COBL: variants seen among roughly 807,000 people sequenced by gnomAD.
The protein encoded by COBL is protein cordon-bleu.
A neutral mutation model predicts 98.8 loss-of-function variants in COBL; 51 were observed. The observed-to-expected ratio is 0.52, with a 90% CI of 0.41 to 0.65. The LOEUF (loss-of-function observed/expected upper bound fraction) is 0.65, where lower values mean the gene tolerates loss of function less well. Ranked by LOEUF, COBL falls within the 30% of genes least tolerant of loss-of-function variation. The pLI is 0.00. For synonymous variants in COBL, 634 were observed against 651.7 expected (o/e 0.97, Z 0.41); for missense variants, 1,617 against 1,617.5 (o/e 1.00, Z 0.01).
At chr7:51,313,877 T>C (rs1252742944) in intron 1 of COBL, among the ~76,000 whole-genome samples, 2 of 152,228 alleles carry the variant, frequency 1.3e-5, no homozygotes, top group Admixed American at 6.5e-5. Flanking sequence ...TGTCAATTCT[T>C]ATACTTCAAC....
At chr7:51,304,103 T>A (rs1053848785) in intron 1 of COBL, among the ~76,000 whole-genome samples, 19 of 152,194 alleles carry the variant, frequency 1.2e-4, no homozygotes, top group Non-Finnish European at 8.8e-5. Context: ...TCCCATGTTG[T>A]CGCCAGCACC....
intron 1 of COBL, among the ~76,000 whole-genome samples, chr7:51,223,116 G>C (rs1793817375): frequency 6.6e-6 from 1 of 152,206 alleles, no homozygotes. Context: ...GTCTTCTCAG[G>C]CCTGACTTTG....
intron 5 of COBL, among the ~76,000 whole-genome samples, chr7:51,168,244 T>C (rs575680563): frequency 2.0e-5 from 3 of 152,168 alleles, no homozygotes; most frequent in South Asian, 2.1e-4. Flanking sequence ...TATCAAAAAA[T>C]GGGCAAAAGG....
At chr7:51,287,493 G>T (rs1175460945) in intron 1 of COBL, among the ~76,000 whole-genome samples, 2 of 152,192 alleles carry the variant, frequency 1.3e-5, no homozygotes, top group African/African-American at 4.8e-5. Context: ...TGCTGGTGAG[G>T]ATACAAAGCA....
At chr7:51,106,038 CAAAAAA>C (rs527330225) in intron 6 of COBL, among the ~76,000 whole-genome samples, 1 of 123,696 alleles carries the variant, frequency 8.1e-6, no homozygotes, top group Non-Finnish European at 1.7e-5. Context: ...ACTAAAAATA[CAAAAAA>C]AAAAAAAAAA....
intron 8 of COBL, among the ~76,000 whole-genome samples, chr7:51,037,816 G>A (rs774531327): frequency 6.6e-5 from 10 of 152,148 alleles, no homozygotes; most frequent in South Asian, 4.1e-4. Flanking sequence ...GAAAACATAC[G>A]CTTTTCAAAT....
chr7:51,028,427 C>T lies in COBL; in HGVS notation c.2669G>A (p.Gly890Asp). 2 of 1,614,264 alleles carry T rather than the reference C, an allele frequency of 1.2e-6. No homozygotes were observed. Among genetic ancestry groups the T allele is most frequent in the Non-Finnish European group, 8.5e-7 (1 of 1,180,042 alleles). Reference sequence around the variant, plus strand: ...GCCTGCATAACCCTTCTCGGCATAACCGTGTGGCCTCACCACATCAGCATG... The same window carrying T: ...GCCTGCATAACCCTTCTCGGCATAATCGTGTGGCCTCACCACATCAGCATG... ...KVHADVVRPH[G>D]YAEKGYAGKA... The change falls in exon 10 of 13, where the codon GGT (glycine) becomes GAT (aspartate). Residue 890 changes from glycine (G) to aspartate (D), a missense_variant. Gly to Asp is a moderately conservative substitution (Grantham distance 94). Coordinates refer to ENST00000265136, the MANE Select transcript of COBL (RefSeq NM_015198.5).
chr7:51,017,603 G>C, intron 12 of COBL, 35 bp from the exon 13 acceptor site: 1 of 1,611,836 alleles, frequency 6.2e-7, no homozygotes, highest in Non-Finnish European at 8.5e-7. Context: ...TATTTGGTAT[G>C]TCAATAAGCC....
intron 9 of COBL, 52 bp from the exon 10 acceptor site, chr7:51,029,643 A>C (rs549892880): frequency 1.3e-5 from 19 of 1,413,026 alleles, no homozygotes; most frequent in Admixed American, 1.3e-4. Context: ...CCAATTACTT[A>C]GTGTAACTGC....
At chr7:51,172,543 C>T in intron 5 of COBL, 1 of 1,282,336 alleles carries the variant, frequency 7.8e-7, no homozygotes, top group Non-Finnish European at 1.0e-6. Flanking sequence ...GGAACACAAG[C>T]ACCAGGCCAC....
chr7:51,225,459 G>A (rs1166039195), intron 1 of COBL, among the ~76,000 whole-genome samples: 2 of 152,272 alleles, frequency 1.3e-5, no homozygotes, highest in East Asian at 3.9e-4. Context: ...CACAGGCTGG[G>A]TAATCCAGCT....
At chr7:51,131,587 C>A (rs534464808) in intron 6 of COBL, among the ~76,000 whole-genome samples, 17 of 150,252 alleles carry the variant, frequency 1.1e-4, no homozygotes, top group African/African-American at 4.2e-4. Context: ...GTAATTGATT[C>A]TTCTTCTTTT....
In COBL at chr7:51,126,618, G is replaced by A. The variant is rs142871667; in HGVS notation, c.957+9540C>T. Among the ~76,000 whole-genome samples, 95 of 152,236 alleles carry A rather than the reference G, an allele frequency of 6.2e-4. 1 individual carries two copies. The highest frequency in any genetic ancestry group is 3.4e-3 in the Middle Eastern group (1 of 294). On this transcript the variant is annotated intron_variant, in intron 6 of 12. Transcript: ENST00000265136. ...GGAGGAGCCTGGGTTGGACCTGGAC[G>A]TGGGACTCCTCTCATTCACAGTCCA...
chr7:51,213,906 G>A (rs566519937), intron 2 of COBL, among the ~76,000 whole-genome samples: 12 of 152,174 alleles, frequency 7.9e-5, no homozygotes, highest in South Asian at 2.1e-4. Context: ...TAGTGGGGGC[G>A]GGGGTTGCTG....
chr7:51,124,645 C>T (rs776415800), intron 6 of COBL, among the ~76,000 whole-genome samples: 3 of 152,262 alleles, frequency 2.0e-5, no homozygotes, highest in South Asian at 2.1e-4. Context: ...AAAAGACAAG[C>T]GTTCTCTGTA....
intron 7 of COBL, among the ~76,000 whole-genome samples, chr7:51,049,546 T>C (rs969841381): frequency 1.3e-4 from 20 of 152,164 alleles, no homozygotes; most frequent in African/African-American, 4.8e-4. Context: ...ACACAATACA[T>C]TTCAGTCAAT....
chr7:51,025,167 G>C lies in COBL; in HGVS notation c.3710C>G (p.Ala1237Gly). Residue 1237 changes from alanine to glycine, a missense_variant, in exon 12 of 13, where the codon GCA (alanine) becomes GGA (glycine). Physicochemically the swap from Ala to Gly is moderately conservative, Grantham distance 60. Transcript: ENST00000265136. ...STGTLSNTAD[A>G]RQALMDAIRS... ...GATGGCGTCCATCAAGGCTTGCCTT[G>C]CGTCTGCGGTGTTGCTGAGGGTGCC... is the stretch of plus-strand genomic sequence containing the variant. The C allele has an allele frequency of 6.2e-7, 1 of 1,611,758 alleles. No individual in the cohort carries two copies. The highest frequency in any genetic ancestry group is 8.5e-7 in the Non-Finnish European group (1 of 1,179,804).
At chr7:51,056,125 C>G (rs1898450) in intron 7 of COBL, among the ~76,000 whole-genome samples, 50,867 of 151,214 alleles carry the variant, frequency 0.34, 9,693 homozygotes, top group African/African-American at 0.5. Flanking sequence ...TTCAGAAAGA[C>G]AGAATGAGGA....
chr7:51,291,158 A>G (rs796366967), intron 1 of COBL, among the ~76,000 whole-genome samples: 2 of 152,288 alleles, frequency 1.3e-5, no homozygotes, highest in East Asian at 1.9e-4. Flanking sequence ...TGAGGGGCAC[A>G]GCGGGGAACA....
Sources: gnomAD v4.1 joint callset for allele counts (sites outside exome capture counted in the v4.1 genomes callset) on GRCh38, gnomAD v4.1.1 for gene constraint, MANE v1.5 for transcripts, NCBI Gene and HGNC (gene_info 2026-07-23, HGNC 2026-07-21) for gene names.